KIF26B: variants seen among roughly 807,000 people sequenced by gnomAD.
The protein encoded by KIF26B is kinesin family member 26B, also known as kinesin-like protein KIF26B.
Under a neutral mutation model 151.2 loss-of-function variants are expected in KIF26B, and 63 were observed. That is an observed-to-expected ratio of 0.42 (90% CI 0.34 to 0.51). The LOEUF (loss-of-function observed/expected upper bound fraction) is 0.51, where lower values mean the gene tolerates loss of function less well. Ranked by LOEUF, KIF26B falls within the 20% of genes least tolerant of loss-of-function variation. The pLI, the probability that KIF26B is intolerant of heterozygous loss-of-function variation, is 0.07. For synonymous variants in KIF26B, 1,357 were observed against 1,262.1 expected (o/e 1.08, Z -1.59); for missense variants, 2,813 against 2,913.6 (o/e 0.97, Z 0.79).
rs1470461218 is a variant in KIF26B at position 245,686,141 on chromosome 1, G to A, written c.3158G>A (p.Cys1053Tyr). Residue 1053 changes from cysteine (C) to tyrosine (Y), a missense_variant, in exon 12 of 15, where the codon TGC becomes TAC. By Grantham distance (194) the Cys-to-Tyr change is radical. Around this residue, in one of 3 missense-constraint regions of KIF26B, gnomAD observed 2,060 missense variants for 2,088.6 expected, o/e 0.99. Coordinates refer to ENST00000407071, the MANE Select transcript of KIF26B (RefSeq NM_018012.4). This position sits in a 1 kb window ranked among gnomAD's most constrained non-coding sequence, Gnocchi z 5.6. ...LQSSRESLNS[C>Y]GFVEGKPRPM... ...AGCAGCCGGGAGAGCCTCAACTCCT[G>A]CGGCTTCGTGGAAGGCAAGCCCAGG... 6.2e-7 allele frequency: 1 copy of A among 1,612,206 alleles called. No individual in the cohort carries two copies. Among genetic ancestry groups the A allele is most frequent in the East Asian group, 2.2e-5 (1 of 44,828 alleles).
At position 245,687,559 on chromosome 1, in the gene KIF26B, G is replaced by T. The variant is rs371415042; in HGVS notation, c.4576G>T (p.Val1526Leu). ...ALPGLATQSP[V>L]HPNKSVKSSS... The stretch of plus-strand genomic sequence containing the variant: ...GCCCGGTTTGGCCACCCAGAGCCCC[G>T]TGCATCCCAACAAAAGCGTCAAGTC... The change falls in exon 12 of 15, where the codon GTG (valine) becomes TTG (leucine). Residue 1526 changes from valine to leucine, a missense_variant. Physicochemically the swap from Val to Leu is conservative, Grantham distance 32. Coordinates refer to ENST00000407071, the MANE Select transcript of KIF26B (RefSeq NM_018012.4). The surrounding 1 kb of genome is among the most constrained non-coding windows in gnomAD (Gnocchi z 4.9). 54 of 1,565,592 alleles carry T rather than the reference G, an allele frequency of 3.4e-5. No individual in the cohort carries two copies. The African/African-American group carries it at 5.4e-4, about 16-fold the overall frequency.
At chr1:245,349,559 C>CAAAAAAAAAAAA (rs58254627) in intron 2 of KIF26B, among the ~76,000 whole-genome samples, 1 of 75,834 alleles carries the variant, frequency 1.3e-5, no homozygotes, top group Non-Finnish European at 3.4e-5. Context: ...AAATAAACTT[C>CAAAAAAAAAAAA]AAAAAAAAAA....
chr1:245,602,733 C>G lies in KIF26B; in HGVS notation c.1507C>G (p.Pro503Ala). The change falls in exon 6 of 15, where the codon CCT (proline) becomes GCT (alanine). Residue 503 changes from proline (P) to alanine (A), a missense_variant. Pro to Ala is a conservative substitution (Grantham distance 27). Coordinates refer to ENST00000407071, the MANE Select transcript of KIF26B (RefSeq NM_018012.4). The surrounding 1 kb of genome is among the most constrained non-coding windows in gnomAD (Gnocchi z 4.5). The stretch of plus-strand genomic sequence containing the variant: ...CTTCCAAAAGAGAGGCAACCAGGTT[C>G]CTCCAAAGATGTTTGCCTTCGATGC... ...NAFQKRGNQV[P>A]PKMFAFDAVF... The G allele has an allele frequency of 6.2e-7, 1 of 1,614,036 alleles. No homozygotes were observed. Among genetic ancestry groups the G allele is most frequent in the Non-Finnish European group, 8.5e-7 (1 of 1,179,902 alleles).
chr1:245,481,318 G>C (rs895909340), intron 4 of KIF26B, among the ~76,000 whole-genome samples: 1 of 151,880 alleles, frequency 6.6e-6, no homozygotes, highest in Non-Finnish European at 1.5e-5. Context: ...GCAACAAATG[G>C]TTGCAGGTTC....
chr1:245,497,930 G>C (rs796107549), intron 4 of KIF26B, among the ~76,000 whole-genome samples: 21 of 152,278 alleles, frequency 1.4e-4, no homozygotes, highest in African/African-American at 4.6e-4. Flanking sequence ...CTTTAGTAGA[G>C]ACAGGGTTTC....
Position 245,483,960 on chromosome 1 carries a change from G to A in KIF26B, c.1167-56807G>A, listed in dbSNP as rs538673140. Among the ~76,000 whole-genome samples, 18 of 151,914 alleles carry A rather than the reference G, an allele frequency of 1.2e-4. No homozygotes were observed. The East Asian group carries it at 3.3e-3, about 28-fold the overall frequency. On this transcript the variant is annotated intron_variant, in intron 4 of 14. Coordinates refer to ENST00000407071, the MANE Select transcript of KIF26B (RefSeq NM_018012.4). ...ATTCCACCTTTATGTTTTTCCTTAT[G>A]TCTTTATAAAATCTGTAAGTTAGTT...
chr1:245,481,755 A>G (rs1285771145), intron 4 of KIF26B, among the ~76,000 whole-genome samples: 1 of 151,704 alleles, frequency 6.6e-6, no homozygotes, highest in South Asian at 2.1e-4. Context: ...ATCATTACTG[A>G]GTGCTAAGCT....
chr1:245,184,050 G>GTTTGTTTTTTTTTTTTTTTTT (rs1668954964), intron 2 of KIF26B, among the ~76,000 whole-genome samples: 1 of 19,804 alleles, frequency 5.0e-5, no homozygotes, highest in African/African-American at 1.5e-4. Context: ...GGGAGTTGTT[G>GTTTGTTTTTTTTTTTTTTTTT]TTTTTTTTTT....
Position 245,686,539 on chromosome 1 carries a change from G to A in KIF26B, c.3556G>A (p.Asp1186Asn). ...VQQPLELNGE[D>N]ELVFTLVEEL... is the part of the protein sequence containing the mutation. ...GCAGCCACTGGAGCTGAACGGTGAG[G>A]ACGAGCTGGTGTTCACGCTGGTGGA... Residue 1186 changes from aspartate (D) to asparagine (N), a missense_variant, in exon 12 of 15, where the codon GAC (aspartate) becomes AAC (asparagine). Asp to Asn is a conservative substitution (Grantham distance 23). Around this residue, in one of 3 missense-constraint regions of KIF26B, gnomAD observed 2,060 missense variants for 2,088.6 expected, o/e 0.99. Coordinates refer to ENST00000407071, the MANE Select transcript of KIF26B (RefSeq NM_018012.4). This position sits in a 1 kb window ranked among gnomAD's most constrained non-coding sequence, Gnocchi z 5.6. 6.2e-7 allele frequency: 1 copy of A among 1,613,142 alleles called. No individual in the cohort carries two copies. The highest frequency in any genetic ancestry group is 8.5e-7 in the Non-Finnish European group (1 of 1,179,838).
intron 9 of KIF26B, among the ~76,000 whole-genome samples, chr1:245,630,270 G>T (rs1409849787): frequency 1.3e-5 from 2 of 152,088 alleles, no homozygotes; most frequent in Non-Finnish European, 2.9e-5. Flanking sequence ...CTACTACAAA[G>T]ACACATGCAC....
intron 2 of KIF26B, among the ~76,000 whole-genome samples, chr1:245,176,477 T>C (rs1425184604): frequency 6.6e-6 from 1 of 152,220 alleles, no homozygotes; most frequent in Non-Finnish European, 1.5e-5. Context: ...CTTCTTTTTC[T>C]GCATCCCAGA....
At chr1:245,354,120 A>G (rs1426820018) in intron 2 of KIF26B, among the ~76,000 whole-genome samples, 1 of 152,160 alleles carries the variant, frequency 6.6e-6, no homozygotes, top group Non-Finnish European at 1.5e-5. Flanking sequence ...CCCACCAAGC[A>G]CATCCTGGCA....
At chr1:245,368,881 T>G (rs1425702611) in intron 3 of KIF26B, among the ~76,000 whole-genome samples, 2 of 152,102 alleles carry the variant, frequency 1.3e-5, no homozygotes, top group Non-Finnish European at 2.9e-5. Flanking sequence ...ACACTTGTAA[T>G]CCCAGCACTG....
intron 2 of KIF26B, among the ~76,000 whole-genome samples, chr1:245,265,664 T>A (rs557082402): frequency 3.3e-5 from 5 of 151,814 alleles, no homozygotes; most frequent in Admixed American, 6.6e-5. Context: ...CAGCGCTCAC[T>A]GCAGCCGTGA....
At chr1:245,257,949 A>G (rs2365080) in intron 2 of KIF26B, among the ~76,000 whole-genome samples, 90,536 of 151,874 alleles carry the variant, frequency 0.6, 28,629 homozygotes, top group African/African-American at 0.81. Flanking sequence ...TTGAACCGGG[A>G]AGGCGGAGGT....
intron 2 of KIF26B, among the ~76,000 whole-genome samples, chr1:245,210,508 CT>C (rs35803033): frequency 0.23 from 29,563 of 129,592 alleles, 3,301 homozygotes; most frequent in East Asian, 0.48. Flanking sequence ...ATATCCTAAG[CT>C]TTTTTTTTTT....
At chr1:245,463,904 T>C (rs1659707138) in intron 4 of KIF26B, among the ~76,000 whole-genome samples, 1 of 152,238 alleles carries the variant, frequency 6.6e-6, no homozygotes, top group African/African-American at 2.4e-5. Flanking sequence ...GTTTTTCACC[T>C]AAGGCTTCCC....
intron 2 of KIF26B, among the ~76,000 whole-genome samples, chr1:245,260,557 G>A (rs937228352): frequency 1.3e-5 from 2 of 152,218 alleles, no homozygotes; most frequent in African/African-American, 2.4e-5. Context: ...GCATTTCAAC[G>A]AGGCCTATAG....
intron 2 of KIF26B, among the ~76,000 whole-genome samples, chr1:245,278,793 G>A (rs964643607): frequency 6.6e-6 from 1 of 152,120 alleles, no homozygotes; most frequent in Non-Finnish European, 1.5e-5. Context: ...TCTGCCACAC[G>A]CTTGCTGTTT....
Sources: allele counts gnomAD v4.1 joint callset (sites outside exome capture counted in the v4.1 genomes callset), GRCh38; gene constraint gnomAD v4.1.1; regional missense constraint gnomAD v4.1.1; non-coding constraint Gnocchi (gnomAD v3.1); transcripts MANE v1.5; gene names NCBI Gene and HGNC (gene_info 2026-07-23, HGNC 2026-07-21).